Variants in RANBP3L observed in about 807,000 individuals in gnomAD.
RANBP3L encodes ran-binding protein 3-like.
Under a neutral mutation model 67.2 loss-of-function variants are expected in RANBP3L, and 56 were observed. The ratio of observed to expected loss-of-function variants is 0.83; its 90% CI spans 0.67 to 1.04. The LOEUF (loss-of-function observed/expected upper bound fraction) is 1.04, where lower values mean the gene tolerates loss of function less well. Among genes scored for constraint, RANBP3L ranks in the 50% least tolerant of loss-of-function variants. RANBP3L has a pLI of 0.00. For missense variants in RANBP3L, 496 were observed against 535.5 expected, an observed-to-expected ratio of 0.93 and a Z score of 0.73; for synonymous variants, 164 against 181.4, an observed-to-expected ratio of 0.90 and a Z score of 0.77.
chr5:36,255,673 T>TAAAC, intron 10 of RANBP3L, 83 bp from the exon 11 acceptor site: 7 of 873,638 alleles, frequency 8.0e-6, no homozygotes, highest in Non-Finnish European at 1.1e-5. Flanking sequence ...CACGTTTATA[T>TAAAC]GTGTCTAGTC....
At chr5:36,300,072 A>G (rs577200777) in intron 1 of RANBP3L, among the ~76,000 whole-genome samples, 1 of 152,308 alleles carries the variant, frequency 6.6e-6, no homozygotes, top group South Asian at 2.1e-4. Context: ...CATATTAGCA[A>G]TTGAAGTGGG....
chr5:36,265,190 G>A, intron 5 of RANBP3L, 92 bp from the exon 6 acceptor site: 2 of 890,758 alleles, frequency 2.2e-6, no homozygotes, highest in Non-Finnish European at 3.2e-6. Context: ...ATTTTCTAAA[G>A]TCATGTTTAA....
Position 36,265,050 on chromosome 5 carries a change from A to G in RANBP3L, c.389T>C (p.Leu130Pro), listed in dbSNP as rs1749662272. 6 of 1,612,898 alleles carry G rather than the reference A, an allele frequency of 3.7e-6. No individual in the cohort carries two copies. The highest frequency in any genetic ancestry group is 1.1e-5 in the South Asian group (1 of 91,022). ...TTTTGCACAACTTCGAGCTTGAGGT[A>G]GCTGCAAAATAGCAGGTCTAATAAC... ...KHVIRPAILQLPQARSCAKVR... is the reference protein window; with the variant it reads ...KHVIRPAILQPPQARSCAKVR... Residue 130 changes from leucine (L) to proline (P), a missense_variant, in exon 6 of 14, where the codon CTA becomes CCA. Coordinates refer to ENST00000296604, the MANE Select transcript of RANBP3L (RefSeq NM_145000.5).
rs770618534 is a variant in RANBP3L at position 36,249,718 on chromosome 5, G to A, written c.1355-21C>T. On this transcript the variant is annotated intron_variant, in intron 13 of 13. Coordinates refer to ENST00000296604, the MANE Select transcript of RANBP3L (RefSeq NM_145000.5). ...AGGATCTGTGATATAAATTTAAAAT[G>A]TTTTATTATACAATATTATATTTAG... 19 of 1,429,424 alleles carry A rather than the reference G, an allele frequency of 1.3e-5. No individual in the cohort carries two copies. The South Asian group carries it at 2.2e-4, about 17-fold the overall frequency. 88.5% of individuals were successfully genotyped at this position (1,429,424 alleles called of 1,614,324 possible). A position where few individuals can be genotyped will look rare whatever the true frequency, so the allele number is the denominator to read the frequency against.
At chr5:36,263,599 C>G (rs553327473) in intron 6 of RANBP3L, among the ~76,000 whole-genome samples, 32 of 152,164 alleles carry the variant, frequency 2.1e-4, no homozygotes, top group Non-Finnish European at 4.0e-4. Flanking sequence ...GACAGTCTGG[C>G]TCTGTCACCA....
rs574739673 is a variant in RANBP3L at position 36,294,248 on chromosome 5, T to A, written c.91+7078A>T. On this transcript the variant is annotated intron_variant, in intron 1 of 13. Transcript: ENST00000296604. Reference sequence around the variant, plus strand: ...TATTTCTGTGGGATCGGTGGTGATATCCCCTTTATCATTTTTTATTGTGTC... The same window carrying A: ...TATTTCTGTGGGATCGGTGGTGATAACCCCTTTATCATTTTTTATTGTGTC... 2.4e-3 allele frequency among the ~76,000 whole-genome samples: 365 copies of A among 152,200 alleles called. 1 individual carries two copies. Among genetic ancestry groups the A allele is most frequent in the African/African-American group, 8.3e-3 (346 of 41,544 alleles).
chr5:36,257,342 T>A (rs996113927), intron 9 of RANBP3L, 112 bp downstream of exon 9: 8 of 454,676 alleles, frequency 1.8e-5, no homozygotes, highest in African/African-American at 1.2e-4. Context: ...ATTGGTTTTT[T>A]AAATCTTATA....
At chr5:36,283,344 C>T (rs1191394809) in intron 1 of RANBP3L, among the ~76,000 whole-genome samples, 15 of 150,698 alleles carry the variant, frequency 1.0e-4, no homozygotes, top group Admixed American at 9.9e-4. Context: ...AGGCATGAGC[C>T]ACCACACCCA....
chr5:36,250,761 C>A (rs1242380206), intron 13 of RANBP3L, among the ~76,000 whole-genome samples: 2 of 152,094 alleles, frequency 1.3e-5, no homozygotes, highest in Non-Finnish European at 2.9e-5. Context: ...TAAAACCTAA[C>A]AGTCTGTTTA....
At chr5:36,278,258 T>G (rs1483465408) in intron 1 of RANBP3L, among the ~76,000 whole-genome samples, 2 of 152,118 alleles carry the variant, frequency 1.3e-5, no homozygotes, top group Admixed American at 6.6e-5. Context: ...TTTTTATTCT[T>G]TTTATTTTTT....
chr5:36,272,949 GT>G (rs1211688583), intron 1 of RANBP3L, among the ~76,000 whole-genome samples: 1 of 152,010 alleles, frequency 6.6e-6, no homozygotes, highest in Admixed American at 6.6e-5. Flanking sequence ...GCCTTGTGTA[GT>G]TTTTTTATGC....
rs1044508909 is a variant in RANBP3L at position 36,264,977 on chromosome 5, T to A, written c.462A>T (p.Lys154Asn). 3 of 1,613,150 alleles carry A rather than the reference T, an allele frequency of 1.9e-6. No individual in the cohort carries two copies. The highest frequency in any genetic ancestry group is 2.5e-6 in the Non-Finnish European group (3 of 1,179,718). Reference protein sequence around the residue: ...GHKALESCKTKEKTNNKISEG... With the variant: ...GHKALESCKTNEKTNNKISEG... ...TTCTCACCTTATTATTTGTTTTTTC[T>A]TTAGTCTTGCAAGATTCCAGTGCCT... The change falls in exon 6 of 14, where the codon AAA becomes AAT. Residue 154 changes from lysine to asparagine, a missense_variant. By Grantham distance (94) the Lys-to-Asn change is moderately conservative. Transcript: ENST00000296604.
chr5:36,252,160 T>A (rs985345374), intron 12 of RANBP3L, among the ~76,000 whole-genome samples: 2 of 152,124 alleles, frequency 1.3e-5, no homozygotes, highest in African/African-American at 4.8e-5. Flanking sequence ...AATATATGCT[T>A]GTTTCCCTCT....
Position 36,257,497 on chromosome 5 carries a change from T to C in RANBP3L, c.729A>G (p.Pro243=). Residue 243 remains proline, a synonymous_variant, in exon 9 of 14, where the codon CCA becomes CCG. Transcript: ENST00000296604. ...LENDSYAKEK[P]FKSIPKFPVN... Reference sequence around the variant, plus strand: ...CAGGAAATTTCGGAATGGATTTGAATGGTTTTTCCTTGGCATATGAATCAT... The same window carrying C: ...CAGGAAATTTCGGAATGGATTTGAACGGTTTTTCCTTGGCATATGAATCAT... 1 of 1,599,200 alleles carries C rather than the reference T, an allele frequency of 6.3e-7. No individual in the cohort carries two copies. Among genetic ancestry groups the C allele is most frequent in the Non-Finnish European group, 8.5e-7 (1 of 1,170,424 alleles).
intron 10 of RANBP3L, 30 bp from the exon 11 acceptor site, chr5:36,255,620 A>G (rs886661590): frequency 5.2e-6 from 8 of 1,550,588 alleles, no homozygotes; most frequent in Admixed American, 1.8e-5. Flanking sequence ...AATGTCAAAT[A>G]TATAGAAAAT....
At chr5:36,251,070 T>C (rs1169942667) in intron 13 of RANBP3L, among the ~76,000 whole-genome samples, 6 of 152,090 alleles carry the variant, frequency 3.9e-5, no homozygotes, top group Non-Finnish European at 7.4e-5. Flanking sequence ...TGTAATAGTT[T>C]TTTATGCAGT....
intron 1 of RANBP3L, among the ~76,000 whole-genome samples, chr5:36,278,360 T>C (rs1040918563): frequency 6.6e-6 from 1 of 152,112 alleles, no homozygotes; most frequent in African/African-American, 2.4e-5. Flanking sequence ...ACCAGCAGCA[T>C]TGACAGGGAG....
chr5:36,280,287 C>T (rs977221904), intron 1 of RANBP3L, among the ~76,000 whole-genome samples: 2 of 152,142 alleles, frequency 1.3e-5, no homozygotes, highest in Non-Finnish European at 2.9e-5. Flanking sequence ...GGACCAAACC[C>T]TTGAAAACTC....
chr5:36,270,907 GT>G (rs1294600588), intron 2 of RANBP3L, among the ~76,000 whole-genome samples: 2 of 152,126 alleles, frequency 1.3e-5, no homozygotes, highest in Admixed American at 6.6e-5. Context: ...TTTAGAATGT[GT>G]TTTTTTACCG....
Sources: gnomAD v4.1 joint callset for allele counts (sites outside exome capture counted in the v4.1 genomes callset) on GRCh38, gnomAD v4.1.1 for gene constraint, MANE v1.5 for transcripts, NCBI Gene and HGNC (gene_info 2026-07-23, HGNC 2026-07-21) for gene names.